Variants in PSD2 observed in about 807,000 individuals in gnomAD.
PSD2 encodes pleckstrin and Sec7 domain containing 2, also known as PH and SEC7 domain-containing protein 2.
Under a neutral mutation model 69.8 loss-of-function variants are expected in PSD2, and 38 were observed. The observed-to-expected ratio is 0.54, with a 90% CI of 0.42 to 0.71. The LOEUF is 0.71. Among genes scored for constraint, PSD2 ranks in the 30% least tolerant of loss-of-function variants. The pLI is 0.00. For synonymous variants in PSD2, 412 were observed against 423.0 expected, an observed-to-expected ratio of 0.97 and a Z score of 0.32; for missense variants, 943 against 1,014.5, an observed-to-expected ratio of 0.93 and a Z score of 0.96.
At chr5:139,830,823 CTTTTTTT>C (rs60786662) in intron 7 of PSD2, among the ~76,000 whole-genome samples, 27 of 82,948 alleles carry the variant, frequency 3.3e-4, no homozygotes, top group Non-Finnish European at 3.7e-4. Context: ...CCTGGACTTG[CTTTTTTT>C]TTTTTTTTTT....
chr5:139,764,440 AGC>A, the PSD2 span, among the ~76,000 whole-genome samples: 10 of 151,258 alleles, frequency 6.6e-5, no homozygotes, highest in Non-Finnish European at 1.3e-4. Context: ...TGGGTGGGGG[AGC>A]CATATCCGTG....
upstream of PSD2, among the ~76,000 whole-genome samples, chr5:139,791,503 ACTC>A (rs1759415395): frequency 6.6e-6 from 1 of 152,110 alleles, no homozygotes; most frequent in Non-Finnish European, 1.5e-5. Flanking sequence ...AAGGGAATGA[ACTC>A]AACATGATAA....
chr5:139,745,910 C>T, the PSD2 span, among the ~76,000 whole-genome samples: 4 of 152,202 alleles, frequency 2.6e-5, no homozygotes, highest in Non-Finnish European at 4.4e-5. Context: ...GGTTTACCTG[C>T]TCCTGCCCCC....
upstream of PSD2, among the ~76,000 whole-genome samples, chr5:139,792,331 C>G (rs1759428261): frequency 6.6e-6 from 1 of 152,182 alleles, no homozygotes. Context: ...TCCTCTGAGT[C>G]AAGCCTCTTC....
rs768724760 is a variant in PSD2 at position 139,815,995 on chromosome 5, T to TAAA, written c.1017-1467_1017-1465dup. Among the ~76,000 whole-genome samples the TAAA allele has an allele frequency of 7.5e-3, 691 of 92,578 alleles. 9 individuals carry two copies. Among genetic ancestry groups the TAAA allele is most frequent in the East Asian group, 0.015 (48 of 3,274 alleles). 60.7% of individuals were successfully genotyped at this position (92,578 alleles called of 152,430 possible). A position where few individuals can be genotyped will look rare whatever the true frequency, so the allele number is the denominator to read the frequency against. On this transcript the variant is annotated intron_variant, in intron 4 of 14. Transcript: ENST00000274710. Reference sequence around the variant, plus strand: ...GGCAACAGAGCAACACTCCATATATTAAAAAAAAAAAAAAAAAAAAAGAAA... The same window carrying TAAA: ...GGCAACAGAGCAACACTCCATATATTAAAAAAAAAAAAAAAAAAAAAAAAGAAA...
intron 5 of PSD2, among the ~76,000 whole-genome samples, chr5:139,821,027 G>A (rs1760246249): frequency 6.6e-6 from 1 of 152,034 alleles, no homozygotes; most frequent in African/African-American, 2.4e-5. Flanking sequence ...CTGCCTCCTG[G>A]GTTCAAGTGA....
At chr5:139,827,530 T>C (rs989084944) in intron 7 of PSD2, among the ~76,000 whole-genome samples, 10 of 152,232 alleles carry the variant, frequency 6.6e-5, no homozygotes, top group Non-Finnish European at 1.3e-4. Flanking sequence ...GCCTGGGATC[T>C]AAACTGGATA....
At chr5:139,787,927 C>T in the PSD2 span, among the ~76,000 whole-genome samples, 1 of 152,322 alleles carries the variant, frequency 6.6e-6, no homozygotes, top group South Asian at 2.1e-4. Flanking sequence ...GGATAGGAGA[C>T]TTTGAGAACG....
intron 1 of PSD2, among the ~76,000 whole-genome samples, chr5:139,798,324 C>G (rs763856993): frequency 1.3e-5 from 2 of 152,176 alleles, no homozygotes; most frequent in African/African-American, 4.8e-5. Flanking sequence ...CAGGTGAGTC[C>G]GTTTCCTCAG....
intron 2 of PSD2, 89 bp downstream of exon 2, chr5:139,809,900 C>T: frequency 7.1e-7 from 1 of 1,405,352 alleles, no homozygotes; most frequent in Non-Finnish European, 9.7e-7. Context: ...TTCTCCGGTT[C>T]TTGTTTTTCT....
At chr5:139,822,047 T>C in intron 6 of PSD2, 42 bp downstream of exon 6, 1 of 1,326,948 alleles carries the variant, frequency 7.5e-7, no homozygotes, top group Non-Finnish European at 1.1e-6. Flanking sequence ...CCCCACCCAC[T>C]CAGCCAGGCC....
At chr5:139,791,431 C>CA (rs902148114), upstream of PSD2, among the ~76,000 whole-genome samples, 16 of 151,728 alleles carry the variant, frequency 1.1e-4, no homozygotes, top group Non-Finnish European at 1.8e-4. Context: ...AAAAGAAAAA[C>CA]AAAAAACAAA....
At chr5:139,779,355 C>A in the PSD2 span, among the ~76,000 whole-genome samples, 1 of 152,138 alleles carries the variant, frequency 6.6e-6, no homozygotes, top group Non-Finnish European at 1.5e-5. Flanking sequence ...TACGTAGCCA[C>A]CCCCCGGGTT....
the PSD2 span, among the ~76,000 whole-genome samples, chr5:139,752,772 C>T: frequency 6.6e-6 from 1 of 152,218 alleles, no homozygotes; most frequent in African/African-American, 2.4e-5. Context: ...CCCCAGCCCC[C>T]CTCAGAGAGC....
At chr5:139,757,065 G>A in the PSD2 span, among the ~76,000 whole-genome samples, 1 of 152,152 alleles carries the variant, frequency 6.6e-6, no homozygotes, top group Non-Finnish European at 1.5e-5. Flanking sequence ...GGTAGTGAGG[G>A]GCATGGCTGG....
intron 4 of PSD2, 23 bp from the exon 5 acceptor site, chr5:139,817,458 G>A (rs1760148914): frequency 6.2e-7 from 1 of 1,607,558 alleles, no homozygotes; most frequent in African/African-American, 1.3e-5. Context: ...GCTTCTAACA[G>A]ACATCCCATA....
intron 5 of PSD2, among the ~76,000 whole-genome samples, chr5:139,818,067 G>T (rs1198391016): frequency 6.6e-6 from 1 of 152,148 alleles, no homozygotes. Flanking sequence ...GTTCCCAGGA[G>T]CAGGAGGGTA....
intron 6 of PSD2, 79 bp from the exon 7 acceptor site, chr5:139,822,647 C>T: frequency 7.5e-7 from 1 of 1,341,810 alleles, no homozygotes; most frequent in Non-Finnish European, 1.0e-6. Flanking sequence ...TCCAAGGTCT[C>T]CTGACGGGTT....
At chr5:139,771,658 T>G in the PSD2 span, among the ~76,000 whole-genome samples, 1 of 152,110 alleles carries the variant, frequency 6.6e-6, no homozygotes, top group Non-Finnish European at 1.5e-5. Flanking sequence ...GATTACAGTC[T>G]TGAGCCACCG....
Sources: gnomAD v4.1 joint callset for allele counts (sites outside exome capture counted in the v4.1 genomes callset) on GRCh38, gnomAD v4.1.1 for gene constraint, MANE v1.5 for transcripts, NCBI Gene and HGNC (gene_info 2026-07-23, HGNC 2026-07-21) for gene names.